Variants in CSMD3 observed in about 807,000 individuals in gnomAD.
The protein encoded by CSMD3 is CUB and sushi domain-containing protein 3.
A neutral mutation model predicts 435.2 loss-of-function variants in CSMD3; 177 were observed. That is an observed-to-expected ratio of 0.41 (90% CI 0.36 to 0.46). CSMD3 has a LOEUF of 0.46. Among genes scored for constraint, CSMD3 ranks in the 20% least tolerant of loss-of-function variants. The pLI, the probability that CSMD3 is intolerant of heterozygous loss-of-function variation, is 0.34. For synonymous variants in CSMD3, 1,656 were observed against 1,520.5 expected, an observed-to-expected ratio of 1.09 and a Z score of -2.07; for missense variants, 4,265 against 4,504.6, an observed-to-expected ratio of 0.95 and a Z score of 1.52.
chr8:112,736,212 G>A (rs1007789335), intron 13 of CSMD3, among the ~76,000 whole-genome samples: 1 of 152,018 alleles, frequency 6.6e-6, no homozygotes, highest in Non-Finnish European at 1.5e-5. Context: ...AGGCCCTCAA[G>A]TTTCCCCCGT....
intron 1 of CSMD3, among the ~76,000 whole-genome samples, chr8:113,406,175 T>C (rs771534075): frequency 1.1e-4 from 17 of 151,838 alleles, no homozygotes; most frequent in Non-Finnish European, 2.5e-4. Flanking sequence ...TTAATTCTGG[T>C]TTGCAAATAT....
chr8:113,431,715 G>GTT (rs200897863), intron 1 of CSMD3, among the ~76,000 whole-genome samples: 21 of 148,042 alleles, frequency 1.4e-4, no homozygotes, highest in South Asian at 8.6e-4. Context: ...TAAGGTCAGA[G>GTT]TTTTTTTTTT....
At chr8:112,803,600 C>T (rs1328017378) in intron 12 of CSMD3, among the ~76,000 whole-genome samples, 1 of 151,754 alleles carries the variant, frequency 6.6e-6, no homozygotes, top group Non-Finnish European at 1.5e-5. Flanking sequence ...GTCTCACTTG[C>T]TATTTGGAAA....
intron 10 of CSMD3, among the ~76,000 whole-genome samples, chr8:112,903,493 T>C (rs2082165613): frequency 6.6e-6 from 1 of 151,200 alleles, no homozygotes; most frequent in South Asian, 2.1e-4. Context: ...CGAAGGGGGA[T>C]CAACAACCCT....
chr8:112,496,270 C>T (rs1283395160), intron 30 of CSMD3, among the ~76,000 whole-genome samples: 3 of 152,012 alleles, frequency 2.0e-5, no homozygotes, highest in African/African-American at 7.3e-5. Context: ...CGTCCAGCCA[C>T]GTCTTAATTT....
intron 13 of CSMD3, among the ~76,000 whole-genome samples, chr8:112,781,024 C>T (rs2132242779): frequency 6.6e-6 from 1 of 152,142 alleles, no homozygotes; most frequent in South Asian, 2.1e-4. Context: ...CCCCTAACTC[C>T]AGGCAATGCA....
chr8:113,010,737 T>C (rs1474270670), intron 6 of CSMD3, among the ~76,000 whole-genome samples: 1 of 151,722 alleles, frequency 6.6e-6, no homozygotes, highest in African/African-American at 2.4e-5. Flanking sequence ...CATATTTACA[T>C]GTATTGAACA....
At chr8:112,343,017 T>TTATATATATATATATATATATATATTTA (rs1231941595) in intron 41 of CSMD3, among the ~76,000 whole-genome samples, 1 of 52,560 alleles carries the variant, frequency 1.9e-5, no homozygotes, top group African/African-American at 4.9e-5. Context: ...ATATATATAT[T>TTATATATATATATATATATATATATTTA]TATATATATA....
At chr8:112,719,648 T>C (rs1280840088) in intron 13 of CSMD3, among the ~76,000 whole-genome samples, 3 of 152,054 alleles carry the variant, frequency 2.0e-5, no homozygotes, top group Admixed American at 6.6e-5. Context: ...TACTATCATA[T>C]TGGGGGTTAG....
At chr8:113,243,483 T>A (rs2093242062) in intron 3 of CSMD3, among the ~76,000 whole-genome samples, 1 of 152,006 alleles carries the variant, frequency 6.6e-6, no homozygotes, top group South Asian at 2.1e-4. Context: ...TATAAATATG[T>A]CAATTTATTT....
intron 10 of CSMD3, among the ~76,000 whole-genome samples, chr8:112,861,203 G>T (rs231328): frequency 0.96 from 145,150 of 151,864 alleles, 69,388 homozygotes; most frequent in South Asian, 0.99. Flanking sequence ...AATAGCTACT[G>T]AACCCCTTTT....
At chr8:113,075,795 T>C (rs1466950069) in intron 5 of CSMD3, among the ~76,000 whole-genome samples, 2 of 151,550 alleles carry the variant, frequency 1.3e-5, no homozygotes, top group African/African-American at 4.8e-5. Context: ...AAATAATAGA[T>C]GAAAAAAAAT....
At chr8:112,449,809 G>A (rs757527699) in intron 32 of CSMD3, among the ~76,000 whole-genome samples, 11 of 152,022 alleles carry the variant, frequency 7.2e-5, no homozygotes, top group Non-Finnish European at 1.6e-4. Context: ...TGCATCCTCC[G>A]CCTCCTGGGC....
chr8:112,483,488 A>G (rs1427959144), intron 31 of CSMD3, among the ~76,000 whole-genome samples: 1 of 152,188 alleles, frequency 6.6e-6, no homozygotes, highest in African/African-American at 2.4e-5. Context: ...ACCTCGAAAA[A>G]AAAAGAAAAA....
intron 4 of CSMD3, among the ~76,000 whole-genome samples, chr8:113,134,689 T>G (rs1458972080): frequency 6.6e-6 from 1 of 152,068 alleles, no homozygotes; most frequent in Non-Finnish European, 1.5e-5. Flanking sequence ...TCAACAGCCT[T>G]TATATTTACA....
chr8:112,472,529 A>G, intron 32 of CSMD3, 62 bp downstream of exon 32: 3 of 876,390 alleles, frequency 3.4e-6, no homozygotes, highest in Non-Finnish European at 5.9e-6. Context: ...TTTGAATAGC[A>G]TGTAGTGAAA....
chr8:113,108,811 T>C (rs2090556722), intron 4 of CSMD3, among the ~76,000 whole-genome samples: 3 of 152,194 alleles, frequency 2.0e-5, no homozygotes, highest in African/African-American at 7.2e-5. Context: ...TTTTAAAGCA[T>C]TCTTGAGAGA....
chr8:112,638,381 A>T (rs1055166652), intron 21 of CSMD3, among the ~76,000 whole-genome samples: 2 of 150,954 alleles, frequency 1.3e-5, no homozygotes, highest in Non-Finnish European at 3.0e-5. Context: ...TTTTGTGTTT[A>T]CTAGGCATTT....
chr8:112,461,943 A>G (rs1817491230), intron 32 of CSMD3, among the ~76,000 whole-genome samples: 1 of 152,192 alleles, frequency 6.6e-6, no homozygotes, highest in South Asian at 2.1e-4. Context: ...CATACTCTTT[A>G]AATTCAAAAG....
Sources: allele counts gnomAD v4.1 joint callset (sites outside exome capture counted in the v4.1 genomes callset), GRCh38; gene constraint gnomAD v4.1.1; transcripts MANE v1.5; gene names NCBI Gene and HGNC (gene_info 2026-07-23, HGNC 2026-07-21).